Variants in EIF4E2 observed in about 807,000 individuals in gnomAD.
The protein encoded by EIF4E2 is eukaryotic translation initiation factor 4E type 2.
A neutral mutation model predicts 34.2 loss-of-function variants in EIF4E2; 13 were observed. That is an observed-to-expected ratio of 0.38 (90% CI 0.25 to 0.60). EIF4E2 has a LOEUF of 0.60. Among genes scored for constraint, EIF4E2 ranks in the 20% least tolerant of loss-of-function variants. The probability of loss-of-function intolerance (pLI) is 0.62; values close to 1 mark genes in which losing one functional copy is unlikely to be tolerated. For missense variants in EIF4E2, 222 were observed against 315.1 expected, an observed-to-expected ratio of 0.70 and a Z score of 2.24; for synonymous variants, 100 against 106.6, an observed-to-expected ratio of 0.94 and a Z score of 0.38.
intron 1 of EIF4E2, chr2:232,551,223 T>C: frequency 2.1e-6 from 1 of 476,790 alleles, no homozygotes; most frequent in South Asian, 1.5e-5. Context: ...AATGAGGTAA[T>C]GTGGTTGCTG....
At chr2:232,558,083 G>T in intron 3 of EIF4E2, 65 bp downstream of exon 3, 1 of 1,554,224 alleles carries the variant, frequency 6.4e-7, no homozygotes, top group East Asian at 2.3e-5. Context: ...TTGATATGAT[G>T]TTTATTTACT....
Position 232,556,676 on chromosome 2 carries a change from A to G in EIF4E2, c.135+146A>G, listed in dbSNP as rs573237803. On this transcript the variant is annotated intron_variant, in intron 2 of 6. Transcript: ENST00000258416. Reference sequence around the variant, plus strand: ...CTTTGTTCTCAGAAAAACATTGTGCAATCATTGATGTTCATTTTCAGACCT... The same window carrying G: ...CTTTGTTCTCAGAAAAACATTGTGCGATCATTGATGTTCATTTTCAGACCT... The G allele has an allele frequency of 5.8e-5, 37 of 634,686 alleles. No homozygotes were observed. The South Asian group carries it at 6.9e-4, about 12-fold the overall frequency. 39.3% of individuals were successfully genotyped at this position (634,686 alleles called of 1,614,324 possible).
downstream of EIF4E2, chr2:232,573,927 G>A: frequency 2.1e-6 from 1 of 471,010 alleles, no homozygotes; most frequent in Non-Finnish European, 4.1e-6. Context: ...ACTGTAAATT[G>A]GAAGTGTTTT....
rs766357344 is a variant in EIF4E2 at position 232,566,783 on chromosome 2, G to T, written c.376-46G>T. Reference sequence around the variant, plus strand: ...TTTTACTGCCTTCATACAAAAAAAGGCTGTGAAACCATATTTTAACTTCAG... The same window carrying T: ...TTTTACTGCCTTCATACAAAAAAAGTCTGTGAAACCATATTTTAACTTCAG... On this transcript the variant is annotated intron_variant, in intron 4 of 6. Coordinates refer to ENST00000258416, the MANE Select transcript of EIF4E2 (RefSeq NM_004846.4). This position sits in a 1 kb window ranked among gnomAD's most constrained non-coding sequence, Gnocchi z 4.9. 6.2e-7 allele frequency: 1 copy of T among 1,609,310 alleles called. No individual in the cohort carries two copies. Among genetic ancestry groups the T allele is most frequent in the South Asian group, 1.1e-5 (1 of 90,212 alleles).
intron 6 of EIF4E2, chr2:232,574,312 G>C: frequency 6.4e-7 from 1 of 1,550,558 alleles, no homozygotes; most frequent in African/African-American, 1.4e-5. Context: ...CCGCTGATCG[G>C]ACGCTCCCCC....
At chr2:232,565,906 A>G (rs1430485491) in intron 4 of EIF4E2, among the ~76,000 whole-genome samples, 1 of 151,578 alleles carries the variant, frequency 6.6e-6, no homozygotes, top group Non-Finnish European at 1.5e-5. Context: ...AGCCTGGCCA[A>G]TATGGTGAAA....
intron 3 of EIF4E2, among the ~76,000 whole-genome samples, chr2:232,559,281 A>G (rs1692632481): frequency 1.3e-5 from 2 of 151,844 alleles, no homozygotes; most frequent in African/African-American, 4.8e-5. Context: ...TGGAATTATC[A>G]GCAGTTTACC....
At chr2:232,563,436 C>T (rs1432080487) in intron 3 of EIF4E2, among the ~76,000 whole-genome samples, 2 of 150,196 alleles carry the variant, frequency 1.3e-5, no homozygotes, top group East Asian at 2.0e-4. Flanking sequence ...ATGAGAAAAA[C>T]AGGACTACTG....
At chr2:232,551,365 G>C (rs1174525499) in intron 1 of EIF4E2, 1 of 452,902 alleles carries the variant, frequency 2.2e-6, no homozygotes, top group African/African-American at 2.0e-5. Context: ...GCCCTCTCCT[G>C]CCCGCTCCGG....
At chr2:232,568,245 G>A (rs1693003170) in intron 6 of EIF4E2, 2 of 985,334 alleles carry the variant, frequency 2.0e-6, no homozygotes, top group Non-Finnish European at 2.4e-6. Flanking sequence ...GACCATTTGG[G>A]AATCTCTTTC....
chr2:232,564,302 G>A lies in EIF4E2; in HGVS notation c.326G>A (p.Gly109Asp). 1 of 1,597,032 alleles carries A rather than the reference G, an allele frequency of 6.3e-7. No homozygotes were observed. Among genetic ancestry groups the A allele is most frequent in the Non-Finnish European group, 8.5e-7 (1 of 1,170,388 alleles). Residue 109 changes from glycine to aspartate, a missense_variant, in exon 4 of 7, where the codon GGC (glycine) becomes GAC (aspartate). Physicochemically the swap from Gly to Asp is moderately conservative, Grantham distance 94. Transcript: ENST00000258416. ...SHMVRPGDLT[G>D]HSDFHLFKEG... ...ATGGTACGTCCTGGGGACCTGACAGGCCACAGTGACTTCCATCTCTTCAAA... is the reference window on the plus strand; with the variant it reads ...ATGGTACGTCCTGGGGACCTGACAGACCACAGTGACTTCCATCTCTTCAAA...
chr2:232,567,263 G>A (rs1425287374), intron 6 of EIF4E2, 49 bp downstream of exon 6: 9 of 1,609,264 alleles, frequency 5.6e-6, no homozygotes, highest in Non-Finnish European at 7.6e-6. Flanking sequence ...CTTAGTATAA[G>A]TAGATCTGTA....
At chr2:232,554,396 T>G (rs1004598149) in intron 1 of EIF4E2, among the ~76,000 whole-genome samples, 2 of 152,198 alleles carry the variant, frequency 1.3e-5, no homozygotes, top group African/African-American at 4.8e-5. Context: ...TTGGGACATG[T>G]GAGCAGAGCA....
At chr2:232,562,356 G>A (rs891637715) in intron 3 of EIF4E2, among the ~76,000 whole-genome samples, 5 of 152,140 alleles carry the variant, frequency 3.3e-5, no homozygotes, top group Non-Finnish European at 7.4e-5. Context: ...CAAGGCAGGT[G>A]GATCACCTGA....
intron 3 of EIF4E2, among the ~76,000 whole-genome samples, chr2:232,560,010 G>A (rs755131857): frequency 4.6e-5 from 7 of 151,930 alleles, no homozygotes; most frequent in South Asian, 2.1e-4. Flanking sequence ...TTAAATTCTC[G>A]AGTCAGTCAT....
chr2:232,551,014 G>T, intron 1 of EIF4E2: 1 of 608,232 alleles, frequency 1.6e-6, no homozygotes, highest in Non-Finnish European at 2.9e-6. Context: ...GGAGATTTTC[G>T]GACGCCCCGC....
intron 6 of EIF4E2, chr2:232,567,918 G>C (rs1474580697): frequency 1.0e-6 from 1 of 985,160 alleles, no homozygotes; most frequent in African/African-American, 1.7e-5. Context: ...CTCAAAGCTG[G>C]AGGGAGAGCT....
At chr2:232,583,566 G>A (rs1164754948) in exon 7 of EIF4E2, 1 of 152,116 alleles carries the variant, frequency 6.6e-6, no homozygotes, top group South Asian at 2.1e-4. Flanking sequence ...CGGAGCAGAG[G>A]CTATGACAAG....
chr2:232,550,966 T>C (rs1022077113), intron 1 of EIF4E2: 5 of 618,970 alleles, frequency 8.1e-6, no homozygotes, highest in Non-Finnish European at 1.4e-5. Flanking sequence ...GGCGAAGAGC[T>C]GGGCCCGGGG....
Sources: allele counts gnomAD v4.1 joint callset (sites outside exome capture counted in the v4.1 genomes callset), GRCh38; gene constraint gnomAD v4.1.1; non-coding constraint Gnocchi (gnomAD v3.1); transcripts MANE v1.5; gene names NCBI Gene and HGNC (gene_info 2026-07-23, HGNC 2026-07-21).